LARP1B: variants seen among roughly 807,000 people sequenced by gnomAD.
LARP1B encodes the protein La ribonucleoprotein 1B.
Under a neutral mutation model 114.2 loss-of-function variants are expected in LARP1B, and 76 were observed. The observed-to-expected ratio is 0.67, with a 90% CI of 0.55 to 0.81. The LOEUF is 0.81. Ranked by LOEUF, LARP1B falls within the 30% of genes least tolerant of loss-of-function variation. The pLI is 0.00. For synonymous variants in LARP1B, 345 were observed against 348.0 expected (o/e 0.99, Z 0.10); for missense variants, 1,014 against 1,075.8 (o/e 0.94, Z 0.80).
chr4:128,183,456 G>A (rs1008302531), intron 15 of LARP1B, among the ~76,000 whole-genome samples: 1 of 152,058 alleles, frequency 6.6e-6, no homozygotes, highest in East Asian at 1.9e-4. Context: ...TTACAATGTG[G>A]GTTACTAAAT....
intron 11 of LARP1B, chr4:128,123,408 A>G (rs983384961): frequency 9.3e-5 from 89 of 953,442 alleles, no homozygotes; most frequent in Non-Finnish European, 1.1e-4. Context: ...AAATCCTTTT[A>G]GAACAGAGAT....
At chr4:128,091,599 AT>A (rs369786648) in intron 7 of LARP1B, 87 bp downstream of exon 7, 94,433 of 817,720 alleles carry the variant, frequency 0.12, 1 homozygote, top group South Asian at 0.15. Context: ...ATATGCTATA[AT>A]TTTTTTTTTT....
intron 9 of LARP1B, among the ~76,000 whole-genome samples, chr4:128,111,991 C>G (rs1449788588): frequency 6.6e-6 from 1 of 151,698 alleles, no homozygotes; most frequent in South Asian, 2.1e-4. Flanking sequence ...TGCCCATCCT[C>G]TGTCTCTTAA....
At chr4:128,135,890 TA>T (rs1793207250) in intron 11 of LARP1B, among the ~76,000 whole-genome samples, 2 of 152,166 alleles carry the variant, frequency 1.3e-5, no homozygotes, top group Non-Finnish European at 2.9e-5. Context: ...TTGCACACTT[TA>T]AAATGGTTAA....
intron 5 of LARP1B, among the ~76,000 whole-genome samples, chr4:128,087,663 C>G (rs1371041692): frequency 1.3e-5 from 2 of 152,166 alleles, no homozygotes; most frequent in African/African-American, 2.4e-5. Context: ...CTAGTACCAT[C>G]TAAAATCTAG....
chr4:128,118,461 C>T (rs1289936011), intron 10 of LARP1B, among the ~76,000 whole-genome samples: 3 of 151,470 alleles, frequency 2.0e-5, no homozygotes, highest in African/African-American at 7.3e-5. Flanking sequence ...TGGTCTTGAT[C>T]TCCTTACCTC....
At chr4:128,122,716 T>A in intron 11 of LARP1B, 1 of 1,282,890 alleles carries the variant, frequency 7.8e-7, no homozygotes. Flanking sequence ...TGGATGATTA[T>A]CTCTCTTGGT....
At chr4:128,163,138 A>G (rs1039857116) in intron 12 of LARP1B, among the ~76,000 whole-genome samples, 52 of 152,140 alleles carry the variant, frequency 3.4e-4, no homozygotes, top group Non-Finnish European at 6.6e-4. Flanking sequence ...ATAGATTGAT[A>G]TGTCTTTTTT....
intron 12 of LARP1B, among the ~76,000 whole-genome samples, chr4:128,169,038 T>C (rs1025441208): frequency 7.2e-5 from 11 of 152,144 alleles, no homozygotes; most frequent in African/African-American, 2.4e-4. Flanking sequence ...ACCTATTGAA[T>C]TTATTCATTT....
intron 4 of LARP1B, among the ~76,000 whole-genome samples, chr4:128,079,776 G>T (rs1156919199): frequency 6.6e-6 from 1 of 151,486 alleles, no homozygotes; most frequent in African/African-American, 2.4e-5. Flanking sequence ...TGTTGGCCAG[G>T]CTGGTCTTGA....
chr4:128,210,176 T>C lies in LARP1B; in HGVS notation c.*123T>C, dbSNP rs1205085854. On this transcript the variant is annotated 3_prime_UTR_variant, in exon 20 of 20. Transcript: ENST00000326639. ...CAGTATTTATTTGGGGAAAATCTTC[T>C]GGTGTTTAATTGTGATAATAAGAAA... 14 of 1,508,622 alleles carry C rather than the reference T, an allele frequency of 9.3e-6. No homozygotes were observed. The highest frequency in any genetic ancestry group is 1.1e-5 in the Non-Finnish European group (12 of 1,130,560). The allele number at this position is 1,508,622 out of a possible 1,614,324, so 93.5% of individuals were successfully genotyped here. A position where few individuals can be genotyped will look rare whatever the true frequency, so the allele number is the denominator to read the frequency against.
chr4:128,070,312 T>G (rs983912302), intron 1 of LARP1B, among the ~76,000 whole-genome samples: 1 of 149,978 alleles, frequency 6.7e-6, no homozygotes, highest in African/African-American at 2.5e-5. Flanking sequence ...AGAGTGAGAC[T>G]CCGTCTCAAA....
downstream of LARP1B, among the ~76,000 whole-genome samples, chr4:128,213,563 G>A (rs1328156501): frequency 1.3e-5 from 2 of 152,034 alleles, no homozygotes; most frequent in Admixed American, 6.6e-5. Context: ...GCAAATAAAA[G>A]CACTGCTATT....
At chr4:128,151,399 A>G (rs1216304273) in intron 11 of LARP1B, among the ~76,000 whole-genome samples, 5 of 151,874 alleles carry the variant, frequency 3.3e-5, no homozygotes, top group Admixed American at 1.3e-4. Flanking sequence ...AATTTCTTTT[A>G]TTTTTTTCTA....
chr4:128,087,056 A>G (rs759152039), intron 5 of LARP1B, among the ~76,000 whole-genome samples: 1 of 151,958 alleles, frequency 6.6e-6, no homozygotes, highest in Non-Finnish European at 1.5e-5. Context: ...AGTAGCTGGG[A>G]TTACAGACAT....
rs765576916 is a variant in LARP1B, at chr4:128,176,924, G to T, written c.1684+17G>T. The T allele has an allele frequency of 1.2e-6, 2 of 1,611,148 alleles. No homozygotes were observed. The highest frequency in any genetic ancestry group is 1.7e-6 in the Non-Finnish European group (2 of 1,177,400). On this transcript the variant is annotated intron_variant, in intron 13 of 19. Coordinates refer to ENST00000326639, the MANE Select transcript of LARP1B (RefSeq NM_018078.4). ...CCAAGAAAGGTAACATCTGTGGTGG[G>T]TATTAAAGGGAGGCTATGATATCCT...
chr4:128,062,511 G>A (rs1760600991), intron 1 of LARP1B, among the ~76,000 whole-genome samples: 2 of 150,694 alleles, frequency 1.3e-5, no homozygotes, highest in Non-Finnish European at 3.0e-5. Flanking sequence ...TTGCGATTGT[G>A]TTTTGTCCCC....
Position 128,209,848 on chromosome 4 carries a change from A to G in LARP1B, c.2548-8A>G, listed in dbSNP as rs372771378. 2.0e-5 allele frequency: 32 copies of G among 1,611,076 alleles called. No individual in the cohort carries two copies. In the African/African-American group the frequency reaches 4.0e-4, roughly 20 times the overall value. On this transcript the variant is annotated splice_polypyrimidine_tract_variant and splice_region_variant and intron_variant, in intron 19 of 19. Coordinates refer to ENST00000326639, the MANE Select transcript of LARP1B (RefSeq NM_018078.4). ...ATTGTCAACGGTGTTGCCTTTCATC[A>G]TTTGCAGCCCCCTATTAGTGATGAA...
intron 11 of LARP1B, among the ~76,000 whole-genome samples, chr4:128,158,683 T>C (rs939697557): frequency 1.3e-5 from 2 of 152,126 alleles, no homozygotes. Flanking sequence ...ATCAGAGAGA[T>C]ACAAATTAAA....
Sources: gnomAD v4.1 joint callset for allele counts (sites outside exome capture counted in the v4.1 genomes callset) on GRCh38, gnomAD v4.1.1 for gene constraint, MANE v1.5 for transcripts, NCBI Gene and HGNC (gene_info 2026-07-23, HGNC 2026-07-21) for gene names.